The following HLA-DPB1 variants were observed in gnomAD, a reference collection of about 807,000 sequenced individuals.
HLA-DPB1 encodes the protein HLA class II histocompatibility antigen, DP beta 1 chain.
HLA-DPB1 carries 30 observed loss-of-function variants against 29.4 expected under a neutral mutation model. The ratio of observed to expected loss-of-function variants is 1.02; its 90% CI spans 0.76 to 1.38. The LOEUF (loss-of-function observed/expected upper bound fraction) is 1.38. Among genes scored for constraint, HLA-DPB1 ranks in the 40% most tolerant of loss-of-function variants. The pLI is 0.00. For missense variants in HLA-DPB1, 261 were observed against 327.5 expected (o/e 0.80, Z 1.57); for synonymous variants, 114 against 134.0 (o/e 0.85, Z 1.03).
intron 2 of HLA-DPB1, 169 bp downstream of exon 2, chr6:33,081,104 C>T (rs1445492581): frequency 2.6e-6 from 2 of 768,318 alleles, no homozygotes; most frequent in African/African-American, 1.8e-5. Context: ...GGAGCGAGCG[C>T]GGGGACCTGG....
rs146520390 is a variant in HLA-DPB1, at chr6:33,087,694, C to G, written c.*1160C>G. On this transcript the variant is annotated 3_prime_UTR_variant, in exon 6 of 6. Transcript: ENST00000418931. ...TACTGTGCTCCTCTTGCCCATCTCC[C>G]CTTGCAAATAATATCTTCCATCGGG... is the stretch of plus-strand genomic sequence containing the variant. Among the ~76,000 whole-genome samples, 4 of 152,324 alleles carry G rather than the reference C, an allele frequency of 2.6e-5. No homozygotes were observed. In the East Asian group the frequency reaches 7.7e-4, roughly 29 times the overall value.
In HLA-DPB1 at chr6:33,088,612, T is replaced by C. The variant is rs969840346; in HGVS notation, c.*2078T>C. ...AGAGGAGACAAGAGCTGAGAGACCATCCAAACTGGGACCACCTTGTCACTA... is the reference window on the plus strand; with the variant it reads ...AGAGGAGACAAGAGCTGAGAGACCACCCAAACTGGGACCACCTTGTCACTA... On this transcript the variant is annotated 3_prime_UTR_variant, in exon 6 of 6. Coordinates refer to ENST00000418931, the MANE Select transcript of HLA-DPB1 (RefSeq NM_002121.6). Among the ~76,000 whole-genome samples the C allele has an allele frequency of 2.4e-5, 3 of 126,510 alleles. No individual in the cohort carries two copies. The highest frequency in any genetic ancestry group is 7.2e-5 in the Admixed American group (1 of 13,806). The allele number at this position is 126,510 out of a possible 152,430, so 83.0% of individuals were successfully genotyped here.
intron 2 of HLA-DPB1, 116 bp downstream of exon 2, chr6:33,081,051 G>T: frequency 5.7e-6 from 7 of 1,237,912 alleles, no homozygotes; most frequent in Middle Eastern, 2.7e-4. Flanking sequence ...AGGGGACTTT[G>T]GGTTGGGGAT....
In HLA-DPB1 at chr6:33,077,652, T is replaced by C. The variant is rs147989046; in HGVS notation, c.100+1511T>C. Among the ~76,000 whole-genome samples, 724 of 152,270 alleles carry C rather than the reference T, an allele frequency of 4.8e-3. 3 individuals carry two copies. The highest frequency in any genetic ancestry group is 0.017 in the African/African-American group (688 of 41,534). ...CATTGTACTCTCAGGACATTTCTAG[T>C]CCAAATTTACACCAACACTCTGAGA... is the stretch of plus-strand genomic sequence containing the variant. On this transcript the variant is annotated intron_variant, in intron 1 of 5. Transcript: ENST00000418931.
Position 33,086,204 on chromosome 6 carries a change from C to A in HLA-DPB1, c.758-15C>A, listed in dbSNP as rs376457975. On this transcript the variant is annotated splice_polypyrimidine_tract_variant and intron_variant, in intron 4 of 5. Coordinates refer to ENST00000418931, the MANE Select transcript of HLA-DPB1 (RefSeq NM_002121.6). ...TTCAATGGCTGATTATATAACCTTT[C>A]GTCTTTCATTTCAGTTCAACGAGGA... The A allele has an allele frequency of 1.3e-6, 2 of 1,566,340 alleles. No individual in the cohort carries two copies. Among genetic ancestry groups the A allele is most frequent in the African/African-American group, 1.4e-5 (1 of 72,262 alleles).
chr6:33,086,034 T>A (rs1763083175), intron 4 of HLA-DPB1, 145 bp downstream of exon 4: 1 of 769,922 alleles, frequency 1.3e-6, no homozygotes, highest in Admixed American at 2.3e-5. Flanking sequence ...ACATGACCTA[T>A]AGCGAGAGAG....
At position 33,085,161 on chromosome 6, in the gene HLA-DPB1, C is replaced by T; in HGVS notation, c.576C>T (p.Pro192=). Residue 192 remains proline, a synonymous_variant, in exon 3 of 6, where the codon CCC becomes CCT. Coordinates refer to ENST00000418931, the MANE Select transcript of HLA-DPB1 (RefSeq NM_002121.6). Reference sequence around the variant, plus strand: ...TCCTGGTGATGCTGGAAATGACCCCCCAGCAGGGAGATGTCTACACCTGCC... The same window carrying T: ...TCCTGGTGATGCTGGAAATGACCCCTCAGCAGGGAGATGTCTACACCTGCC... ...FQILVMLEMT[P]QQGDVYTCQV... is the part of the protein sequence containing the mutation. 2 of 1,613,606 alleles carry T rather than the reference C, an allele frequency of 1.2e-6. No homozygotes were observed. The highest frequency in any genetic ancestry group is 1.7e-6 in the Non-Finnish European group (2 of 1,179,770).
intron 2 of HLA-DPB1, among the ~76,000 whole-genome samples, chr6:33,083,053 G>A (rs974273516): frequency 2.0e-5 from 3 of 152,176 alleles, no homozygotes; most frequent in African/African-American, 4.8e-5. Flanking sequence ...GAAATTGTAG[G>A]TAATTCACAA....
rs564276921 is a variant in HLA-DPB1, at chr6:33,078,169, T to C, written c.100+2028T>C. Among the ~76,000 whole-genome samples, 47 of 152,096 alleles carry C rather than the reference T, an allele frequency of 3.1e-4. No individual in the cohort carries two copies. In the South Asian group the frequency reaches 8.3e-3, roughly 27 times the overall value. On this transcript the variant is annotated intron_variant, in intron 1 of 5. Transcript: ENST00000418931. ...GAGAGCAGAAGGGGGCATGTGATGC[T>C]GGGCAGTGAAAGGGAGGACGGGCAA...
intron 2 of HLA-DPB1, 89 bp downstream of exon 2, chr6:33,081,024 C>T: frequency 7.2e-7 from 1 of 1,388,890 alleles, no homozygotes; most frequent in African/African-American, 1.5e-5. Context: ...CCTAAGGGAC[C>T]TTAGTGCCGG....
At chr6:33,085,736 C>A in intron 3 of HLA-DPB1, 43 bp from the exon 4 acceptor site, 1 of 1,260,298 alleles carries the variant, frequency 7.9e-7, no homozygotes, top group Non-Finnish European at 1.2e-6. Context: ...AGTAGGGATG[C>A]AGCTGGTGGA....
In HLA-DPB1 at chr6:33,080,357, GA is replaced by G; in HGVS notation, c.101-312del. ...GTTTTTTCTCCCAGTGACCCCACGT[GA>G]AACGTCTCCGCCTCCTCCAGCCACC... On this transcript the variant is annotated intron_variant, in intron 1 of 5. Coordinates refer to ENST00000418931, the MANE Select transcript of HLA-DPB1 (RefSeq NM_002121.6). This position sits in a 1 kb window ranked among gnomAD's most constrained non-coding sequence, Gnocchi z 4.3. 1 of 565,182 alleles carries G rather than the reference GA, an allele frequency of 1.8e-6. No individual in the cohort carries two copies. The highest frequency in any genetic ancestry group is 3.4e-6 in the Non-Finnish European group (1 of 290,982). 35.0% of individuals were successfully genotyped at this position (565,182 alleles called of 1,614,324 possible).
Position 33,085,171 on chromosome 6 carries a change from G to A in HLA-DPB1, c.586G>A (p.Asp196Asn). 2 of 1,613,448 alleles carry A rather than the reference G, an allele frequency of 1.2e-6. No homozygotes were observed. Among genetic ancestry groups the A allele is most frequent in the African/African-American group, 1.3e-5 (1 of 75,010 alleles). Reference protein sequence around the residue: ...VMLEMTPQQGDVYTCQVEHTS... With the variant: ...VMLEMTPQQGNVYTCQVEHTS... ...GCTGGAAATGACCCCCCAGCAGGGA[G>A]ATGTCTACACCTGCCAAGTGGAGCA... Residue 196 changes from aspartate (D) to asparagine (N), a missense_variant, in exon 3 of 6, where the codon GAT (aspartate) becomes AAT (asparagine). Transcript: ENST00000418931.
intron 3 of HLA-DPB1, 89 bp from the exon 4 acceptor site, chr6:33,085,690 T>A: frequency 1.1e-6 from 1 of 901,912 alleles, no homozygotes; most frequent in Non-Finnish European, 1.9e-6. Context: ...CATCCCGATA[T>A]GCTGCATCAG....
chr6:33,082,665 C>A (rs3097672), intron 2 of HLA-DPB1, among the ~76,000 whole-genome samples: 56,785 of 151,624 alleles, frequency 0.37, 12,056 homozygotes, highest in East Asian at 0.63. Flanking sequence ...GCAATCAAGG[C>A]ATGAGTTAGA....
intron 2 of HLA-DPB1, among the ~76,000 whole-genome samples, chr6:33,084,251 C>T (rs9277431): frequency 0.38 from 57,832 of 151,984 alleles, 12,429 homozygotes; most frequent in East Asian, 0.64. Flanking sequence ...CACAGTTGAT[C>T]AAATATTCTT....
In HLA-DPB1 at chr6:33,087,994, T is replaced by A. The variant is rs1396113930; in HGVS notation, c.*1460T>A. ...AACTATAAAGGAAAATGCTGCTGAC[T>A]TGTTTTTGCGTAGTAATTTCAGCTG... is the stretch of plus-strand genomic sequence containing the variant. On this transcript the variant is annotated 3_prime_UTR_variant, in exon 6 of 6. Transcript: ENST00000418931. 6.6e-6 allele frequency among the ~76,000 whole-genome samples: 1 copy of A among 152,232 alleles called. No homozygotes were observed. Among genetic ancestry groups the A allele is most frequent in the African/African-American group, 2.4e-5 (1 of 41,452 alleles).
chr6:33,080,994 C>T lies in HLA-DPB1; in HGVS notation c.364+59C>T. 4.7e-6 allele frequency: 7 copies of T among 1,489,870 alleles called. No homozygotes were observed. Among genetic ancestry groups the T allele is most frequent in the Non-Finnish European group, 6.2e-6 (7 of 1,125,544 alleles). The allele number at this position is 1,489,870 out of a possible 1,614,324, so 92.3% of individuals were successfully genotyped here. On this transcript the variant is annotated intron_variant, in intron 2 of 5. Transcript: ENST00000418931. This position sits in a 1 kb window ranked among gnomAD's most constrained non-coding sequence, Gnocchi z 4.3. ...CAGCCCCGCGGGCCCGTGCCCAGGG[C>T]GCAGGAGCAGCCGGGTTGGCCTAAG... is the stretch of plus-strand genomic sequence containing the variant.
At chr6:33,084,435 C>T (rs935583010) in intron 2 of HLA-DPB1, among the ~76,000 whole-genome samples, 1 of 152,130 alleles carries the variant, frequency 6.6e-6, no homozygotes, top group Non-Finnish European at 1.5e-5. Flanking sequence ...CTAGCCTAAT[C>T]ACATTATTCC....
Sources: allele counts gnomAD v4.1 joint callset (sites outside exome capture counted in the v4.1 genomes callset), GRCh38; gene constraint gnomAD v4.1.1; non-coding constraint Gnocchi (gnomAD v3.1); transcripts MANE v1.5; gene names NCBI Gene and HGNC (gene_info 2026-07-23, HGNC 2026-07-21).